TRIM5: variants seen among roughly 807,000 people sequenced by gnomAD.
TRIM5 encodes tripartite motif containing 5.
TRIM5 carries 31 observed loss-of-function variants against 35.6 expected under a neutral mutation model. The ratio of observed to expected loss-of-function variants is 0.87; its 90% CI spans 0.65 to 1.18. The LOEUF (loss-of-function observed/expected upper bound fraction) is 1.18, where lower values mean the gene tolerates loss of function less well. Ranked by LOEUF, TRIM5 falls within the 50% of genes most tolerant of loss-of-function variation. TRIM5 has a pLI of 0.00. For missense variants in TRIM5, 609 were observed against 591.6 expected, an observed-to-expected ratio of 1.03 and a Z score of -0.31; for synonymous variants, 243 against 215.6, an observed-to-expected ratio of 1.13 and a Z score of -1.11.
rs1487255438 is a variant in TRIM5, at chr11:5,678,333, C to T, written c.615G>A (p.Lys205=). The change falls in exon 4 of 8, where the codon AAG becomes AAA. Residue 205 remains lysine, a synonymous_variant. Transcript: ENST00000380034. ...GGCTTTTCAGAATGTCTTCCTCCTCCTTCTCCAGGTTTTGCAGCTCATTGC... is the reference window on the plus strand; with the variant it reads ...GGCTTTTCAGAATGTCTTCCTCCTCTTTCTCCAGGTTTTGCAGCTCATTGC... ...EESNELQNLE[K]EEEDILKSLT... is the part of the protein sequence containing the mutation. The T allele has an allele frequency of 2.5e-6, 4 of 1,614,022 alleles. No individual in the cohort carries two copies. In the South Asian group the frequency reaches 3.3e-5, roughly 13 times the overall value.
chr11:5,664,634 G>A lies in TRIM5; in HGVS notation c.*175C>T. On this transcript the variant is annotated 3_prime_UTR_variant, in exon 8 of 8. Transcript: ENST00000380034. ...GCTATCAAATGTCAATAAAATATTGGGGACAATATGGCACAAGGCAATTAT... is the reference window on the plus strand; with the variant it reads ...GCTATCAAATGTCAATAAAATATTGAGGACAATATGGCACAAGGCAATTAT... The A allele has an allele frequency of 1.5e-6, 2 of 1,340,268 alleles. No individual in the cohort carries two copies. The highest frequency in any genetic ancestry group is 2.8e-5 in the East Asian group (1 of 36,350). The allele number at this position is 1,340,268 out of a possible 1,614,324, so 83.0% of individuals were successfully genotyped here. A position where few individuals can be genotyped will look rare whatever the true frequency, so the allele number is the denominator to read the frequency against.
At chr11:5,653,098 C>T in the TRIM5 span, among the ~76,000 whole-genome samples, 63 of 152,192 alleles carry the variant, frequency 4.1e-4, 1 homozygote, top group African/African-American at 1.4e-3. Flanking sequence ...GTGATCTGCC[C>T]GCCTCGGCCT....
the TRIM5 span, chr11:5,634,870 G>A: frequency 8.1e-6 from 13 of 1,609,294 alleles, no homozygotes; most frequent in South Asian, 1.2e-4. Context: ...AGGTAAGAAG[G>A]TTCGCTCAAT....
the TRIM5 span, chr11:5,604,554 A>G: frequency 0.03 from 49,044 of 1,612,792 alleles, 2,002 homozygotes; most frequent in East Asian, 0.19. Context: ...AGGAGTCTCT[A>G]AAGAAGCTGA....
At chr11:5,602,506 C>A in the TRIM5 span, among the ~76,000 whole-genome samples, 1 of 151,724 alleles carries the variant, frequency 6.6e-6, no homozygotes, top group Admixed American at 6.6e-5. Flanking sequence ...TCAGAGCAGA[C>A]CCTTCTGATA....
At chr11:5,642,275 T>A in the TRIM5 span, 1 of 728,944 alleles carries the variant, frequency 1.4e-6, no homozygotes, top group Non-Finnish European at 2.2e-6. Flanking sequence ...GGCTCTCCCT[T>A]CTCCCCCTCC....
At chr11:5,683,470 A>G (rs544426549) in intron 1 of TRIM5, among the ~76,000 whole-genome samples, 7 of 151,982 alleles carry the variant, frequency 4.6e-5, no homozygotes, top group Admixed American at 2.0e-4. Context: ...GAATGCACCA[A>G]TCGACACTCT....
chr11:5,679,812 C>T lies in TRIM5; in HGVS notation c.366G>A (p.Glu122=), dbSNP rs376858428. The change falls in exon 2 of 8, where the codon GAG becomes GAA. Residue 122 remains glutamate (E), a synonymous_variant. Transcript: ENST00000380034. ...VICWLCERSQ[E]HRGHHTFLTE... ...TGAGGAACGTGTGGTGACCACGGTG[C>T]TCCTGAGACCGCTCACAAAGCCAGC... 1 of 1,612,198 alleles carries T rather than the reference C, an allele frequency of 6.2e-7. No homozygotes were observed. The highest frequency in any genetic ancestry group is 8.5e-7 in the Non-Finnish European group (1 of 1,179,128).
the TRIM5 span, chr11:5,632,696 C>T: frequency 5.6e-6 from 9 of 1,612,144 alleles, no homozygotes; most frequent in African/African-American, 1.3e-5. Context: ...TGTGAGCGGT[C>T]TCAGGAGCAC....
At chr11:5,632,253 A>G in the TRIM5 span, 1 of 1,592,192 alleles carries the variant, frequency 6.3e-7, no homozygotes, top group East Asian at 2.2e-5. Flanking sequence ...CAATCTTCTC[A>G]GCCATCCAGG....
chr11:5,652,247 T>C, the TRIM5 span, among the ~76,000 whole-genome samples: 1 of 152,204 alleles, frequency 6.6e-6, no homozygotes, highest in African/African-American at 2.4e-5. Flanking sequence ...CCAGGGCCTG[T>C]GTCCAGAATG....
chr11:5,605,442 GAGA>G, the TRIM5 span: 22 of 1,614,090 alleles, frequency 1.4e-5, no homozygotes, highest in African/African-American at 2.5e-4. Flanking sequence ...GGAACAGGAA[GAGA>G]AGAAGGGGCT....
the TRIM5 span, among the ~76,000 whole-genome samples, chr11:5,655,955 A>T: frequency 6.6e-6 from 1 of 152,342 alleles, no homozygotes; most frequent in South Asian, 2.1e-4. Flanking sequence ...AGCCATATGC[A>T]GAAAACTGAA....
chr11:5,651,921 T>A, the TRIM5 span, among the ~76,000 whole-genome samples: 9 of 152,346 alleles, frequency 5.9e-5, no homozygotes, highest in South Asian at 1.4e-3. Context: ...TTTCACATGC[T>A]TGTTGGCCAC....
chr11:5,601,285 A>T, the TRIM5 span, among the ~76,000 whole-genome samples: 1 of 152,230 alleles, frequency 6.6e-6, no homozygotes, highest in East Asian at 1.9e-4. Flanking sequence ...TGGAAAGGTT[A>T]GGTTATGCCA....
chr11:5,597,649 G>C, the TRIM5 span, among the ~76,000 whole-genome samples: 1 of 152,094 alleles, frequency 6.6e-6, no homozygotes, highest in Non-Finnish European at 1.5e-5. Context: ...TGGTGGACGG[G>C]CCCGCTCTGT....
At chr11:5,665,580 C>T (rs575235627) in intron 7 of TRIM5, 76 bp downstream of exon 7, 2 of 1,583,674 alleles carry the variant, frequency 1.3e-6, no homozygotes, top group African/African-American at 1.4e-5. Flanking sequence ...TAATAGAGAA[C>T]ATAAAATTCT....
downstream of TRIM5, among the ~76,000 whole-genome samples, chr11:5,661,332 C>G (rs767449595): frequency 6.6e-6 from 1 of 152,024 alleles, no homozygotes; most frequent in Non-Finnish European, 1.5e-5. Context: ...TTTTACTTTT[C>G]TCTCCCTTTG....
intron 4 of TRIM5, among the ~76,000 whole-genome samples, chr11:5,676,141 G>A (rs1291371296): frequency 1.3e-5 from 2 of 150,256 alleles, no homozygotes; most frequent in South Asian, 2.2e-4. Context: ...TTGCTATTGT[G>A]AATAATGCCA....
Sources: gnomAD v4.1 joint callset for allele counts (sites outside exome capture counted in the v4.1 genomes callset) on GRCh38, gnomAD v4.1.1 for gene constraint, MANE v1.5 for transcripts, NCBI Gene and HGNC (gene_info 2026-07-23, HGNC 2026-07-21) for gene names.